CRYBB1: variants seen among roughly 807,000 people sequenced by gnomAD.
CRYBB1 encodes the protein crystallin beta B1.
A neutral mutation model predicts 29.5 loss-of-function variants in CRYBB1; 16 were observed. The ratio of observed to expected loss-of-function variants is 0.54; its 90% CI spans 0.37 to 0.82. CRYBB1 has a LOEUF of 0.82. Among genes scored for constraint, CRYBB1 ranks in the 40% least tolerant of loss-of-function variants. The pLI is 0.00. For synonymous variants in CRYBB1, 127 were observed against 136.7 expected (o/e 0.93, Z 0.49); for missense variants, 300 against 350.5 (o/e 0.86, Z 1.15).
intron 3 of CRYBB1, among the ~76,000 whole-genome samples, chr22:26,608,727 G>A (rs1304480051): frequency 6.6e-6 from 1 of 152,040 alleles, no homozygotes; most frequent in Non-Finnish European, 1.5e-5. Flanking sequence ...CAGGGGTAAG[G>A]GAAAAATTGA....
In CRYBB1 at chr22:26,610,023, A is replaced by G. The variant is rs183787012; in HGVS notation, c.300-2002T>C. Among the ~76,000 whole-genome samples the G allele has an allele frequency of 7.3e-4, 107 of 146,138 alleles. No homozygotes were observed. The East Asian group carries it at 0.019, about 26-fold the overall frequency. On this transcript the variant is annotated intron_variant, in intron 3 of 5. Coordinates refer to ENST00000647684, the MANE Select transcript of CRYBB1 (RefSeq NM_001887.4). ...ACTGGAGGTCTAGGCTTCTGGAAAAACAGACACTGATGTGGTCTTGCCACC... is the reference window on the plus strand; with the variant it reads ...ACTGGAGGTCTAGGCTTCTGGAAAAGCAGACACTGATGTGGTCTTGCCACC...
At chr22:26,611,567 C>T (rs901247775) in intron 3 of CRYBB1, among the ~76,000 whole-genome samples, 5 of 151,744 alleles carry the variant, frequency 3.3e-5, no homozygotes, top group Admixed American at 6.6e-5. Context: ...CTCCGCTTCC[C>T]GGGTTCACGC....
At chr22:26,616,019 G>A in intron 2 of CRYBB1, 121 bp downstream of exon 2, 3 of 802,128 alleles carry the variant, frequency 3.7e-6, no homozygotes, top group Non-Finnish European at 6.6e-6. Flanking sequence ...CAAGAAAAAG[G>A]AGGAGAAAGA....
At chr22:26,604,266 T>C (rs1461194371) in intron 4 of CRYBB1, among the ~76,000 whole-genome samples, 1 of 152,256 alleles carries the variant, frequency 6.6e-6, no homozygotes, top group Non-Finnish European at 1.5e-5. Context: ...CTCAGTTTCC[T>C]TGCTTTTAAA....
At chr22:26,614,149 C>G (rs950822173) in intron 2 of CRYBB1, among the ~76,000 whole-genome samples, 1 of 152,182 alleles carries the variant, frequency 6.6e-6, no homozygotes, top group African/African-American at 2.4e-5. Context: ...AATTTTGCCC[C>G]GGTCCTGTGA....
At chr22:26,599,932 G>A (rs1928768527) in intron 5 of CRYBB1, among the ~76,000 whole-genome samples, 1 of 152,208 alleles carries the variant, frequency 6.6e-6, no homozygotes, top group Admixed American at 6.5e-5. Flanking sequence ...ACCAAATGGA[G>A]AATGCACCTC....
chr22:26,604,436 G>A (rs1928914656), intron 4 of CRYBB1, among the ~76,000 whole-genome samples: 1 of 152,228 alleles, frequency 6.6e-6, no homozygotes, highest in Non-Finnish European at 1.5e-5. Context: ...GAGGAGCCCA[G>A]AACGTAAGTG....
intron 1 of CRYBB1, 95 bp from the exon 2 acceptor site, chr22:26,616,433 G>T: frequency 2.4e-6 from 2 of 821,564 alleles, no homozygotes; most frequent in Non-Finnish European, 4.1e-6. Flanking sequence ...CTTGGAGCTC[G>T]TTTCCTCTCT....
In CRYBB1 at chr22:26,599,561, G is replaced by T. The variant is rs762942964; in HGVS notation, c.688C>A (p.Arg230Ser). ...TGCCACTGCTTGTCACGCAGGCGAC[G>T]CAGGGACTGCATCTGTGGCTGGAAG... The part of the protein sequence containing the change: ...GAFQPQMQSL[R>S]RLRDKQWHLE... The change falls in exon 6 of 6, where the codon CGT becomes AGT. Residue 230 changes from arginine to serine, a missense_variant. Transcript: ENST00000647684. 1.1e-5 allele frequency: 17 copies of T among 1,614,046 alleles called. No homozygotes were observed. The East Asian group carries it at 3.1e-4, about 30-fold the overall frequency.
intron 5 of CRYBB1, among the ~76,000 whole-genome samples, chr22:26,600,624 A>G (rs774859737): frequency 7.2e-5 from 11 of 152,192 alleles, no homozygotes; most frequent in Non-Finnish European, 1.3e-4. Context: ...AAGATTTAAT[A>G]GTTATTCATT....
chr22:26,612,050 C>T (rs113553735), intron 3 of CRYBB1, 22 bp downstream of exon 3: 2 of 1,544,336 alleles, frequency 1.3e-6, no homozygotes, highest in East Asian at 4.5e-5. Context: ...GAGAGTGTGC[C>T]CCTCCGCCGC....
At chr22:26,605,597 C>G (rs1446063314) in intron 4 of CRYBB1, among the ~76,000 whole-genome samples, 1 of 142,224 alleles carries the variant, frequency 7.0e-6, no homozygotes, top group African/African-American at 2.6e-5. Flanking sequence ...TTGCTTGCCC[C>G]AGGGAGGTGA....
chr22:26,611,993 T>C, intron 3 of CRYBB1, 79 bp downstream of exon 3: 1 of 1,035,264 alleles, frequency 9.7e-7, no homozygotes, highest in East Asian at 2.4e-5. Context: ...ACAGAGCAGA[T>C]GCTGGAGAAA....
At position 26,608,043 on chromosome 22, in the gene CRYBB1, A is replaced by G. The variant is rs766351024; in HGVS notation, c.300-22T>C. 3 of 1,614,088 alleles carry G rather than the reference A, an allele frequency of 1.9e-6. No individual in the cohort carries two copies. The South Asian group carries it at 3.3e-5, about 18-fold the overall frequency. On this transcript the variant is annotated intron_variant, in intron 3 of 5. Coordinates refer to ENST00000647684, the MANE Select transcript of CRYBB1 (RefSeq NM_001887.4). ...CCAGCTGGATACAAGAAGGACCATG[A>G]GGCAGACAGGAGACATATGGTTAGT...
intron 2 of CRYBB1, among the ~76,000 whole-genome samples, chr22:26,613,598 T>C (rs1364400605): frequency 6.6e-6 from 1 of 152,258 alleles, no homozygotes; most frequent in Non-Finnish European, 1.5e-5. Context: ...ACCCTTGTGC[T>C]TTCCTATGCC....
At chr22:26,599,793 G>C in intron 5 of CRYBB1, 120 bp from the exon 6 acceptor site, 1 of 801,112 alleles carries the variant, frequency 1.2e-6, no homozygotes, top group African/African-American at 1.7e-5. Flanking sequence ...TCTCACTTCT[G>C]TCCTGGCTAT....
chr22:26,603,138 A>C (rs200138541), intron 4 of CRYBB1, among the ~76,000 whole-genome samples: 65 of 148,838 alleles, frequency 4.4e-4, no homozygotes, highest in Admixed American at 6.1e-4. Flanking sequence ...AAAAAAAAAA[A>C]AAAAAACAAA....
chr22:26,603,225 G>C (rs1258921989), intron 4 of CRYBB1, among the ~76,000 whole-genome samples: 1 of 151,110 alleles, frequency 6.6e-6, no homozygotes, highest in East Asian at 2.0e-4. Flanking sequence ...GCCTCAGTTT[G>C]TTCATCTGTA....
intron 4 of CRYBB1, among the ~76,000 whole-genome samples, chr22:26,607,656 T>G (rs1929023851): frequency 1.3e-5 from 2 of 151,988 alleles, no homozygotes; most frequent in South Asian, 4.2e-4. Context: ...TAGCTCTAAC[T>G]TGGAAGCTTT....
Sources: gnomAD v4.1 joint callset for allele counts (sites outside exome capture counted in the v4.1 genomes callset) on GRCh38, gnomAD v4.1.1 for gene constraint, MANE v1.5 for transcripts, NCBI Gene and HGNC (gene_info 2026-07-23, HGNC 2026-07-21) for gene names.